Variants in NPNT observed in about 807,000 individuals in gnomAD.
NPNT encodes the protein preosteoblast EGF-like repeat protein with MAM domain.
NPNT carries 45 observed loss-of-function variants against 68.6 expected under a neutral mutation model. The ratio of observed to expected loss-of-function variants is 0.66; its 90% CI spans 0.52 to 0.84. NPNT has a LOEUF of 0.84. Ranked by LOEUF, NPNT falls within the 40% of genes least tolerant of loss-of-function variation. NPNT has a pLI of 0.00. For missense variants in NPNT, 672 were observed against 714.8 expected (o/e 0.94, Z 0.68); for synonymous variants, 233 against 253.3 (o/e 0.92, Z 0.76).
At chr4:105,931,723 C>T (rs1412070043) in intron 3 of NPNT, among the ~76,000 whole-genome samples, 2 of 151,120 alleles carry the variant, frequency 1.3e-5, no homozygotes, top group Non-Finnish European at 2.9e-5. Context: ...GCCTGTAGTT[C>T]CAGCTACTCG....
chr4:105,900,834 G>GTTT (rs765343668), intron 2 of NPNT, among the ~76,000 whole-genome samples: 16 of 96,518 alleles, frequency 1.7e-4, no homozygotes, highest in South Asian at 3.5e-4. Context: ...ACCCTTGGTT[G>GTTT]TTTTTTTTTT....
chr4:105,917,662 G>A (rs1316070077), intron 2 of NPNT, among the ~76,000 whole-genome samples: 1 of 152,158 alleles, frequency 6.6e-6, no homozygotes, highest in Admixed American at 6.5e-5. Context: ...TCAGCATGAG[G>A]CGTGAAAATC....
chr4:105,912,804 A>G (rs1193149022), intron 2 of NPNT, among the ~76,000 whole-genome samples: 1 of 152,228 alleles, frequency 6.6e-6, no homozygotes, highest in Admixed American at 6.5e-5. Context: ...ACTTTAGTGG[A>G]AAACGTTGGT....
At chr4:105,903,877 T>C (rs919325866) in intron 2 of NPNT, among the ~76,000 whole-genome samples, 1 of 151,440 alleles carries the variant, frequency 6.6e-6, no homozygotes, top group Admixed American at 6.6e-5. Flanking sequence ...CCTTACCTCC[T>C]GGGCTCAAGC....
intron 2 of NPNT, among the ~76,000 whole-genome samples, chr4:105,926,258 C>T (rs769108894): frequency 1.4e-4 from 22 of 152,082 alleles, no homozygotes; most frequent in African/African-American, 2.7e-4. Context: ...GAATAAGAAA[C>T]GTGGTTTTGT....
intron 3 of NPNT, among the ~76,000 whole-genome samples, chr4:105,930,443 T>A (rs529134988): frequency 4.6e-5 from 7 of 152,228 alleles, no homozygotes; most frequent in African/African-American, 1.7e-4. Context: ...CCTGGTTGAG[T>A]GTGAGAGCTG....
In NPNT at chr4:105,940,527, C is replaced by T. The variant is rs1729858269; in HGVS notation, c.654C>T (p.Cys218=). Residue 218 remains cysteine (C), a synonymous_variant, in exon 7 of 12, where the codon TGC becomes TGT. Coordinates refer to ENST00000379987, the MANE Select transcript of NPNT (RefSeq NM_001033047.3). ...GKYQCHDIDE[C]SLGQYQCSSF... is the part of the protein sequence containing the mutation. ...TTTCTGATGCAGACATAGACGAATG[C>T]TCACTTGGTCAGTATCAGTGCAGCA... 18 of 1,612,740 alleles carry T rather than the reference C, an allele frequency of 1.1e-5. No homozygotes were observed. The highest frequency in any genetic ancestry group is 1.5e-5 in the Non-Finnish European group (18 of 1,179,010).
intron 7 of NPNT, among the ~76,000 whole-genome samples, chr4:105,941,434 A>G (rs1161599850): frequency 1.3e-5 from 2 of 152,140 alleles, no homozygotes; most frequent in South Asian, 4.1e-4. Flanking sequence ...TTTTATTTGG[A>G]GTAGTGGTTA....
intron 8 of NPNT, among the ~76,000 whole-genome samples, chr4:105,952,793 G>A (rs1234255200): frequency 1.3e-5 from 2 of 152,096 alleles, no homozygotes; most frequent in African/African-American, 4.8e-5. Flanking sequence ...CACCCTAGAC[G>A]GTGTTCATGC....
chr4:105,940,260 A>G, intron 6 of NPNT, 51 bp downstream of exon 6: 1 of 1,576,454 alleles, frequency 6.3e-7, no homozygotes, highest in Non-Finnish European at 8.7e-7. Flanking sequence ...GAGCACTGAA[A>G]GGTCTCGTAA....
chr4:105,951,302 C>G (rs1169934929), intron 8 of NPNT, among the ~76,000 whole-genome samples: 3 of 152,176 alleles, frequency 2.0e-5, no homozygotes, highest in Admixed American at 6.5e-5. Flanking sequence ...GAGAACCAGC[C>G]TCATTGTTGC....
intron 2 of NPNT, among the ~76,000 whole-genome samples, chr4:105,901,808 A>T (rs897042320): frequency 6.6e-6 from 1 of 152,196 alleles, no homozygotes; most frequent in Non-Finnish European, 1.5e-5. Context: ...GCTTCAGATA[A>T]ACTTACAGGT....
intron 2 of NPNT, among the ~76,000 whole-genome samples, chr4:105,909,827 CT>C (rs1727213517): frequency 6.6e-6 from 1 of 152,166 alleles, no homozygotes; most frequent in East Asian, 1.9e-4. Flanking sequence ...GGACCTTTCC[CT>C]TTTATGCATG....
Position 105,940,181 on chromosome 4 carries a change from G to A in NPNT, c.612G>A (p.Met204Ile), listed in dbSNP as rs746827166. The change falls in exon 6 of 12, where the codon ATG becomes ATA. Residue 204 changes from methionine to isoleucine, a missense_variant. By Grantham distance (10) the Met-to-Ile change is conservative (BLOSUM62 1). Transcript: ENST00000379987. Reference sequence around the variant, plus strand: ...AGTGTCATAAAGGCTTCGATCTCATGTATATTGGAGGCAAATATCAATGTC... The same window carrying A: ...AGTGTCATAAAGGCTTCGATCTCATATATATTGGAGGCAAATATCAATGTC... ...ICKCHKGFDL[M>I]YIGGKYQCHD... 1.2e-6 allele frequency: 2 copies of A among 1,613,428 alleles called. No individual in the cohort carries two copies. The highest frequency in any genetic ancestry group is 4.5e-5 in the East Asian group (2 of 44,866).
chr4:105,912,124 C>T, intron 2 of NPNT: 1 of 1,146,188 alleles, frequency 8.7e-7, no homozygotes, highest in Non-Finnish European at 1.3e-6. Context: ...TGATAAATAC[C>T]CAAGTCCAGC....
At chr4:105,952,475 A>G (rs1022083962) in intron 8 of NPNT, among the ~76,000 whole-genome samples, 1 of 152,194 alleles carries the variant, frequency 6.6e-6, no homozygotes, top group African/African-American at 2.4e-5. Context: ...ATCTGTCTAG[A>G]TGGGAAATTT....
In NPNT at chr4:105,940,071, C is replaced by A; in HGVS notation, c.506-4C>A. On this transcript the variant is annotated splice_polypyrimidine_tract_variant and splice_region_variant and intron_variant, in intron 5 of 11. Transcript: ENST00000379987. ...CCTAAAATGCTATTGACTTATGTTT[C>A]TAGATGTTGATGAATGTGCTACAGG... 6.2e-7 allele frequency: 1 copy of A among 1,612,870 alleles called. No individual in the cohort carries two copies. The highest frequency in any genetic ancestry group is 8.5e-7 in the Non-Finnish European group (1 of 1,179,138).
chr4:105,895,734 C>G lies in NPNT; in HGVS notation c.71+11C>G, dbSNP rs1426589205. 1 of 1,549,080 alleles carries G rather than the reference C, an allele frequency of 6.5e-7. No homozygotes were observed. Among genetic ancestry groups the G allele is most frequent in the Admixed American group, 2.0e-5 (1 of 51,070 alleles). ...CGAGTTCGACGGGAGGTGAGCTGGG[C>G]CCCGGGGCGCCCTCTCCTCCTTCCC... On this transcript the variant is annotated intron_variant, in intron 1 of 11. Coordinates refer to ENST00000379987, the MANE Select transcript of NPNT (RefSeq NM_001033047.3).
At chr4:105,951,914 G>A (rs912645064) in intron 8 of NPNT, among the ~76,000 whole-genome samples, 12 of 152,080 alleles carry the variant, frequency 7.9e-5, no homozygotes, top group African/African-American at 2.2e-4. Flanking sequence ...AATTTGGGGC[G>A]TATCATTAAA....
Sources: allele counts gnomAD v4.1 joint callset (sites outside exome capture counted in the v4.1 genomes callset), GRCh38; gene constraint gnomAD v4.1.1; transcripts MANE v1.5; gene names NCBI Gene and HGNC (gene_info 2026-07-23, HGNC 2026-07-21).